KCNH1: variants seen among roughly 807,000 people sequenced by gnomAD.
KCNH1 encodes voltage-gated delayed rectifier potassium channel KCNH1.
In KCNH1, 27 loss-of-function variants were observed where a neutral mutation model predicts 69.2. That is an observed-to-expected ratio of 0.39 (90% confidence interval 0.29 to 0.54). The LOEUF is 0.54. Among genes scored for constraint, KCNH1 ranks in the 20% least tolerant of loss-of-function variants. The probability of loss-of-function intolerance (pLI) is 0.68; values close to 1 mark genes in which losing one functional copy is unlikely to be tolerated. For missense variants in KCNH1, 798 were observed against 1,261.6 expected (o/e 0.63, Z 5.57); for synonymous variants, 456 against 487.7 (o/e 0.93, Z 0.86).
chr1:210,765,879 T>C (rs1683619915), intron 10 of KCNH1, among the ~76,000 whole-genome samples: 1 of 151,928 alleles, frequency 6.6e-6, no homozygotes, highest in Non-Finnish European at 1.5e-5. Context: ...CTGGCCGAGA[T>C]GGTGAAACCC....
At chr1:211,088,116 C>T (rs1690989564) in intron 4 of KCNH1, among the ~76,000 whole-genome samples, 1 of 152,164 alleles carries the variant, frequency 6.6e-6, no homozygotes, top group Non-Finnish European at 1.5e-5. Context: ...AATTTGAACA[C>T]AACTGATTTA....
chr1:211,064,303 G>A (rs1363947895), intron 5 of KCNH1, among the ~76,000 whole-genome samples: 1 of 152,218 alleles, frequency 6.6e-6, no homozygotes, highest in Non-Finnish European at 1.5e-5. Flanking sequence ...GCTCACGCCT[G>A]CAATCCCAAC....
chr1:210,740,888 C>A (rs1683012381), intron 10 of KCNH1, among the ~76,000 whole-genome samples: 1 of 152,058 alleles, frequency 6.6e-6, no homozygotes, highest in African/African-American at 2.4e-5. Flanking sequence ...AGGAATCACA[C>A]ATCATCAGGT....
chr1:211,002,725 G>T (rs549899923), intron 6 of KCNH1, among the ~76,000 whole-genome samples: 2 of 152,092 alleles, frequency 1.3e-5, no homozygotes, highest in African/African-American at 4.8e-5. Context: ...AAACTGAAGA[G>T]TATCAGGAAA....
intron 10 of KCNH1, among the ~76,000 whole-genome samples, chr1:210,742,950 G>C (rs1683069790): frequency 6.6e-6 from 1 of 152,054 alleles, no homozygotes; most frequent in Admixed American, 6.5e-5. Context: ...TTATTTATTG[G>C]TCCAAAAAAT....
At chr1:211,033,391 T>A (rs1243413970) in intron 5 of KCNH1, among the ~76,000 whole-genome samples, 4 of 152,224 alleles carry the variant, frequency 2.6e-5, no homozygotes, top group Middle Eastern at 3.2e-3. Flanking sequence ...AAATACCATT[T>A]GACCCAGCCA....
chr1:210,813,790 A>C (rs1174437485), intron 7 of KCNH1, among the ~76,000 whole-genome samples: 1 of 152,222 alleles, frequency 6.6e-6, no homozygotes, highest in Non-Finnish European at 1.5e-5. Flanking sequence ...TGCAGCTACC[A>C]TAATTCCCAT....
intron 6 of KCNH1, among the ~76,000 whole-genome samples, chr1:210,938,526 C>T (rs1375690648): frequency 6.6e-6 from 1 of 152,156 alleles, no homozygotes; most frequent in Non-Finnish European, 1.5e-5. Flanking sequence ...AGATAAAATT[C>T]CTTTAGTTTA....
At chr1:210,822,750 C>A (rs1684955777) in intron 7 of KCNH1, among the ~76,000 whole-genome samples, 1 of 152,142 alleles carries the variant, frequency 6.6e-6, no homozygotes, top group Non-Finnish European at 1.5e-5. Context: ...TGTGCTAGAA[C>A]CTGATCCCCC....
intron 5 of KCNH1, among the ~76,000 whole-genome samples, chr1:211,049,258 G>A (rs1051545888): frequency 2.6e-5 from 4 of 152,120 alleles, no homozygotes; most frequent in African/African-American, 9.7e-5. Flanking sequence ...TAACAACAAG[G>A]GAAAAGAGAA....
chr1:210,849,932 T>G (rs1458815411), intron 7 of KCNH1, among the ~76,000 whole-genome samples: 1 of 143,106 alleles, frequency 7.0e-6, no homozygotes, highest in African/African-American at 2.7e-5. Context: ...ATAATAAAAT[T>G]TTAAAAAATA....
chr1:210,698,209 A>G (rs1035006422), intron 10 of KCNH1, among the ~76,000 whole-genome samples: 1 of 152,194 alleles, frequency 6.6e-6, no homozygotes. Context: ...CACAGACTTG[A>G]AGCAGATATG....
chr1:210,879,104 T>G (rs1485681252), intron 7 of KCNH1, among the ~76,000 whole-genome samples: 2 of 152,050 alleles, frequency 1.3e-5, no homozygotes, highest in African/African-American at 2.4e-5. Flanking sequence ...TCTGTATGTA[T>G]TCAAAAATTG....
At chr1:210,744,417 AG>A (rs1187852291) in intron 10 of KCNH1, among the ~76,000 whole-genome samples, 1 of 152,060 alleles carries the variant, frequency 6.6e-6, no homozygotes, top group Admixed American at 6.5e-5. Flanking sequence ...AGACCTAGGC[AG>A]GCGGATCACG....
intron 10 of KCNH1, among the ~76,000 whole-genome samples, chr1:210,731,660 G>A (rs1213385192): frequency 2.0e-5 from 3 of 152,156 alleles, no homozygotes; most frequent in African/African-American, 4.8e-5. Flanking sequence ...TATAAATCCA[G>A]ATTAAATTAC....
chr1:211,089,761 T>C (rs771050242), intron 4 of KCNH1, among the ~76,000 whole-genome samples: 5 of 152,248 alleles, frequency 3.3e-5, no homozygotes, highest in Non-Finnish European at 5.9e-5. Flanking sequence ...CACTGCATCA[T>C]GAAAAAGCTT....
At chr1:211,063,793 T>C (rs1690478776) in intron 5 of KCNH1, 1 of 151,108 alleles carries the variant, frequency 6.6e-6, no homozygotes, top group South Asian at 2.1e-4. Flanking sequence ...TACAGTTAGA[T>C]AGGAAGAATA....
intron 6 of KCNH1, among the ~76,000 whole-genome samples, chr1:210,987,657 G>A (rs1163428544): frequency 6.6e-6 from 1 of 152,170 alleles, no homozygotes; most frequent in Non-Finnish European, 1.5e-5. Context: ...TTGTCTCAGA[G>A]GAGTACCCGG....
intron 6 of KCNH1, among the ~76,000 whole-genome samples, chr1:210,984,733 G>T (rs1055094857): frequency 5.8e-5 from 8 of 138,988 alleles, no homozygotes; most frequent in Non-Finnish European, 1.1e-4. Flanking sequence ...AGGGATATTG[G>T]TCTAAAATTC....
Sources: allele counts gnomAD v4.1 joint callset (sites outside exome capture counted in the v4.1 genomes callset), GRCh38; gene constraint gnomAD v4.1.1; transcripts MANE v1.5; gene names NCBI Gene and HGNC (gene_info 2026-07-23, HGNC 2026-07-21).